Variants in ENTHD1 observed in about 807,000 individuals in gnomAD.
The protein encoded by ENTHD1 is ENTH domain containing 1, also known as ENTH domain-containing protein 1.
ENTHD1 carries 23 observed loss-of-function variants against 39.1 expected under a neutral mutation model. The observed-to-expected ratio is 0.59, with a 90% CI of 0.42 to 0.83. The LOEUF is 0.83. ENTHD1 is among the 40% of genes least tolerant of loss of function. The probability of loss-of-function intolerance (pLI) is 0.00; values close to 1 mark genes in which losing one functional copy is unlikely to be tolerated. For synonymous variants in ENTHD1, 230 were observed against 258.2 expected, an observed-to-expected ratio of 0.89 and a Z score of 1.05; for missense variants, 624 against 705.4, an observed-to-expected ratio of 0.88 and a Z score of 1.31.
chr22:39,844,552 A>G (rs1030733648), intron 3 of ENTHD1, among the ~76,000 whole-genome samples: 2 of 152,218 alleles, frequency 1.3e-5, no homozygotes, highest in African/African-American at 4.8e-5. Flanking sequence ...CCCATCACCC[A>G]GTACGCAATG....
intron 5 of ENTHD1, among the ~76,000 whole-genome samples, chr22:39,813,574 C>G (rs2065709999): frequency 6.6e-6 from 1 of 152,128 alleles, no homozygotes; most frequent in Non-Finnish European, 1.5e-5. Context: ...CAAGATAAAA[C>G]TGTTAAGGAA....
rs181682925 is a variant in ENTHD1, at chr22:39,815,083, G to A, written c.832+5910C>T. ...AAAAATGACCAACAGACATGGACACGTCAGATGAGGAAACATGAATGAGTC... is the reference window on the plus strand; with the variant it reads ...AAAAATGACCAACAGACATGGACACATCAGATGAGGAAACATGAATGAGTC... On this transcript the variant is annotated intron_variant, in intron 5 of 6. Coordinates refer to ENST00000325157, the MANE Select transcript of ENTHD1 (RefSeq NM_152512.4). 1.8e-3 allele frequency among the ~76,000 whole-genome samples: 280 copies of A among 152,268 alleles called. 1 individual carries two copies. The highest frequency in any genetic ancestry group is 4.8e-3 in the Admixed American group (73 of 15,304).
At chr22:39,838,823 A>G (rs528611922) in intron 3 of ENTHD1, among the ~76,000 whole-genome samples, 1 of 152,304 alleles carries the variant, frequency 6.6e-6, no homozygotes, top group African/African-American at 2.4e-5. Context: ...AAGATTTCCA[A>G]GCATAAAAAT....
intron 5 of ENTHD1, among the ~76,000 whole-genome samples, chr22:39,771,196 C>G (rs1006883935): frequency 6.6e-6 from 1 of 152,022 alleles, no homozygotes. Flanking sequence ...ACCAACTCCT[C>G]TGTAGATAAC....
chr22:39,832,587 G>C (rs1255449964), intron 4 of ENTHD1, among the ~76,000 whole-genome samples: 1 of 152,172 alleles, frequency 6.6e-6, no homozygotes. Flanking sequence ...GAGTTGTCAT[G>C]TGAAAGTGCA....
At position 39,766,019 on chromosome 22, in the gene ENTHD1, C is replaced by CAAAAAAAAAAAAAAAAAAAAAAAAAAAA. The variant is rs11367784; in HGVS notation, c.833-438_833-411dup. Among the ~76,000 whole-genome samples the CAAAAAAAAAAAAAAAAAAAAAAAAAAAA allele has an allele frequency of 4.3e-4, 21 of 48,354 alleles. 1 individual carries two copies. Among genetic ancestry groups the CAAAAAAAAAAAAAAAAAAAAAAAAAAAA allele is most frequent in the East Asian group, 7.7e-4 (1 of 1,300 alleles). The allele number at this position is 48,354 out of a possible 152,430, so 31.7% of individuals were successfully genotyped here. A position where few individuals can be genotyped will look rare whatever the true frequency, so the allele number is the denominator to read the frequency against. ...TCTATCCTTACAGAACCCTCAGCTACAAAAAAAAAAAAAAAAAAAAAAAAA... is the reference window on the plus strand; with the variant it reads ...TCTATCCTTACAGAACCCTCAGCTACAAAAAAAAAAAAAAAAAAAAAAAAAAAAAAAAAAAAAAAAAAAAAAAAAAAAA... On this transcript the variant is annotated intron_variant, in intron 5 of 6. Coordinates refer to ENST00000325157, the MANE Select transcript of ENTHD1 (RefSeq NM_152512.4).
intron 1 of ENTHD1, among the ~76,000 whole-genome samples, chr22:39,892,805 G>C (rs2066437839): frequency 6.6e-6 from 1 of 152,194 alleles, no homozygotes; most frequent in South Asian, 2.1e-4. Context: ...AGTTTGACTC[G>C]TAAGGAAATG....
intron 2 of ENTHD1, among the ~76,000 whole-genome samples, chr22:39,881,271 G>C (rs1398117960): frequency 6.6e-6 from 1 of 152,174 alleles, no homozygotes; most frequent in Non-Finnish European, 1.5e-5. Context: ...TCCAACTGGT[G>C]ACTCTTTTAA....
At position 39,887,447 on chromosome 22, in the gene ENTHD1, T is replaced by C; in HGVS notation, c.302A>G (p.Gln101Arg). 1 of 1,613,338 alleles carries C rather than the reference T, an allele frequency of 6.2e-7. No homozygotes were observed. The highest frequency in any genetic ancestry group is 8.5e-7 in the Non-Finnish European group (1 of 1,179,808). The change falls in exon 2 of 7, where the codon CAA (glutamine) becomes CGA (arginine). Residue 101 changes from glutamine (Q) to arginine (R), a missense_variant. Physicochemically the swap from Gln to Arg is conservative, Grantham distance 43 (BLOSUM62 1). Coordinates refer to ENST00000325157, the MANE Select transcript of ENTHD1 (RefSeq NM_152512.4). ...TATGTGCTGAAAATCTTTTAGTGTT[T>C]GAAGGTTACAGAACCCCTCTCTGCA... ...QHCREGFCNLQTLKDFQHIDE... is the reference protein window; with the variant it reads ...QHCREGFCNLRTLKDFQHIDE...
intron 2 of ENTHD1, among the ~76,000 whole-genome samples, chr22:39,877,135 C>T (rs1461942017): frequency 6.6e-6 from 1 of 152,154 alleles, no homozygotes; most frequent in Non-Finnish European, 1.5e-5. Context: ...GAGGTTGAGC[C>T]TAAATTGTAA....
At chr22:39,836,556 G>T (rs547382856) in intron 3 of ENTHD1, among the ~76,000 whole-genome samples, 2 of 152,088 alleles carry the variant, frequency 1.3e-5, no homozygotes, top group Admixed American at 6.6e-5. Context: ...TGTTCTAAGA[G>T]AAACTAATCA....
intron 2 of ENTHD1, among the ~76,000 whole-genome samples, chr22:39,872,953 C>T (rs1274076675): frequency 6.6e-6 from 1 of 151,772 alleles, no homozygotes; most frequent in Non-Finnish European, 1.5e-5. Flanking sequence ...CCTCAGCCCC[C>T]CATCAGCCAT....
At chr22:39,875,192 A>G (rs2066277585) in intron 2 of ENTHD1, 1 of 719,056 alleles carries the variant, frequency 1.4e-6, no homozygotes, top group Non-Finnish European at 1.9e-6. Flanking sequence ...TCTCAGAAAC[A>G]TTATGTTGAG....
chr22:39,811,178 T>C (rs1439077767), intron 5 of ENTHD1, among the ~76,000 whole-genome samples: 4 of 152,240 alleles, frequency 2.6e-5, no homozygotes, highest in Non-Finnish European at 5.9e-5. Context: ...AGAGACATGT[T>C]ATTGCATCTT....
intron 3 of ENTHD1, among the ~76,000 whole-genome samples, chr22:39,842,335 C>T (rs2065950675): frequency 6.6e-6 from 1 of 151,996 alleles, no homozygotes; most frequent in Non-Finnish European, 1.5e-5. Context: ...AGAGTGTTTT[C>T]CAACTTGGTT....
Position 39,810,430 on chromosome 22 carries a change from A to G in ENTHD1, c.832+10563T>C, listed in dbSNP as rs112345041. On this transcript the variant is annotated intron_variant, in intron 5 of 6. Transcript: ENST00000325157. Reference sequence around the variant, plus strand: ...GTCTCAGAATGTATGGTGAGAACAGACCTGCTTAGTAACCTGCAAAATTCT... The same window carrying G: ...GTCTCAGAATGTATGGTGAGAACAGGCCTGCTTAGTAACCTGCAAAATTCT... Among the ~76,000 whole-genome samples the G allele has an allele frequency of 2.8e-3, 429 of 152,296 alleles. 1 individual carries two copies. Among genetic ancestry groups the G allele is most frequent in the Non-Finnish European group, 4.7e-3 (321 of 68,024 alleles).
chr22:39,854,551 TGA>T (rs1456005721), intron 3 of ENTHD1, among the ~76,000 whole-genome samples: 1 of 152,214 alleles, frequency 6.6e-6, no homozygotes, highest in Non-Finnish European at 1.5e-5. Context: ...TGCTTAGAGC[TGA>T]GTTATAATTG....
At chr22:39,779,488 A>G (rs1043117578) in intron 5 of ENTHD1, among the ~76,000 whole-genome samples, 1 of 152,188 alleles carries the variant, frequency 6.6e-6, no homozygotes, top group Non-Finnish European at 1.5e-5. Context: ...CACTACCATC[A>G]GACCTGTCTT....
intron 5 of ENTHD1, among the ~76,000 whole-genome samples, chr22:39,794,803 CA>C (rs751655466): frequency 0.015 from 1,259 of 82,368 alleles, 17 homozygotes; most frequent in Middle Eastern, 0.069. Context: ...GACTCCATCT[CA>C]AAAAAAAAAA....
Sources: allele counts gnomAD v4.1 joint callset (sites outside exome capture counted in the v4.1 genomes callset), GRCh38; gene constraint gnomAD v4.1.1; transcripts MANE v1.5; gene names NCBI Gene and HGNC (gene_info 2026-07-23, HGNC 2026-07-21).